Variants in ANGPT2 observed in about 807,000 individuals in gnomAD.
ANGPT2 encodes angiopoietin-2.
In ANGPT2, 28 loss-of-function variants were observed where a neutral mutation model predicts 62.9. The observed-to-expected ratio is 0.44, with a 90% CI of 0.33 to 0.61. The LOEUF is 0.61. Among genes scored for constraint, ANGPT2 ranks in the 20% least tolerant of loss-of-function variants. The probability of loss-of-function intolerance (pLI) is 0.03; values close to 1 mark genes in which losing one functional copy is unlikely to be tolerated. For synonymous variants in ANGPT2, 284 were observed against 207.8 expected (o/e 1.37, Z -3.15); for missense variants, 727 against 594.9 (o/e 1.22, Z -2.31).
chr8:6,513,918 A>G (rs1411741344), intron 6 of ANGPT2, 74 bp from the exon 7 acceptor site: 28 of 1,339,010 alleles, frequency 2.1e-5, no homozygotes, highest in Non-Finnish European at 1.6e-5. Flanking sequence ...ATAGTCCGTC[A>G]ACTTAACATA....
At chr8:6,539,678 C>A (rs1030819505) in intron 1 of ANGPT2, among the ~76,000 whole-genome samples, 1 of 152,140 alleles carries the variant, frequency 6.6e-6, no homozygotes, top group East Asian at 1.9e-4. Flanking sequence ...CCTCTGCCTC[C>A]CTGGTTCAAA....
chr8:6,552,078 A>G (rs1823746058), intron 1 of ANGPT2, among the ~76,000 whole-genome samples: 1 of 152,240 alleles, frequency 6.6e-6, no homozygotes, highest in Non-Finnish European at 1.5e-5. Context: ...ACCCAAAGAA[A>G]ATCAGAGGAA....
At position 6,500,402 on chromosome 8, in the gene ANGPT2, G is replaced by C. The variant is rs1811926863; in HGVS notation, c.*2699C>G. ...GGGTTCTAATTTTTTTTAAGATTAA[G>C]TAATAATTAAGTGGATAATTTAAAG... On this transcript the variant is annotated 3_prime_UTR_variant, in exon 9 of 9. Coordinates refer to ENST00000629816, the MANE Select transcript of ANGPT2 (RefSeq NM_001118887.2). 6.4e-6 allele frequency: 1 copy of C among 157,296 alleles called. No homozygotes were observed. The highest frequency in any genetic ancestry group is 1.4e-5 in the Non-Finnish European group (1 of 71,102). The allele number at this position is 157,296 out of a possible 1,614,324, so 9.7% of individuals were successfully genotyped here.
At chr8:6,561,266 G>A (rs1451334540) in intron 1 of ANGPT2, among the ~76,000 whole-genome samples, 1 of 152,224 alleles carries the variant, frequency 6.6e-6, no homozygotes, top group Non-Finnish European at 1.5e-5. Flanking sequence ...CATTGCTAGT[G>A]AGTTTTATGT....
intron 1 of ANGPT2, among the ~76,000 whole-genome samples, chr8:6,554,447 T>A (rs1586593831): frequency 6.6e-6 from 1 of 152,312 alleles, no homozygotes; most frequent in South Asian, 2.1e-4. Context: ...GTCAACATGA[T>A]AAAATAATCC....
intron 5 of ANGPT2, among the ~76,000 whole-genome samples, chr8:6,517,908 G>C (rs936031952): frequency 3.3e-5 from 5 of 152,164 alleles, no homozygotes; most frequent in African/African-American, 1.2e-4. Context: ...TTCAAGATGA[G>C]AAAATTGAGG....
chr8:6,549,248 G>A (rs1041640780), intron 1 of ANGPT2, among the ~76,000 whole-genome samples: 1 of 152,204 alleles, frequency 6.6e-6, no homozygotes, highest in Admixed American at 6.5e-5. Context: ...TACGTAAATT[G>A]TGTTATACAG....
intron 8 of ANGPT2, among the ~76,000 whole-genome samples, chr8:6,504,864 C>T (rs1812964791): frequency 6.6e-6 from 1 of 152,020 alleles, no homozygotes; most frequent in Non-Finnish European, 1.5e-5. Flanking sequence ...TGTGTGATTT[C>T]AGGCATTTGC....
chr8:6,520,814 C>T (rs1355990162), intron 4 of ANGPT2, among the ~76,000 whole-genome samples: 1 of 152,194 alleles, frequency 6.6e-6, no homozygotes, highest in Non-Finnish European at 1.5e-5. Flanking sequence ...TGTATTATCT[C>T]ATTTAATCTT....
At chr8:6,513,179 G>A (rs1236455497) in intron 7 of ANGPT2, among the ~76,000 whole-genome samples, 1 of 152,188 alleles carries the variant, frequency 6.6e-6, no homozygotes, top group Admixed American at 6.5e-5. Context: ...CTGTTTGTAT[G>A]AAGTTTCTTT....
intron 1 of ANGPT2, among the ~76,000 whole-genome samples, chr8:6,560,239 T>C (rs1308180149): frequency 6.6e-6 from 1 of 152,180 alleles, no homozygotes; most frequent in Non-Finnish European, 1.5e-5. Context: ...AAAAAATAGC[T>C]CAAAAGAAAA....
intron 5 of ANGPT2, among the ~76,000 whole-genome samples, chr8:6,515,031 T>A (rs954106252): frequency 6.6e-6 from 1 of 152,202 alleles, no homozygotes; most frequent in Non-Finnish European, 1.5e-5. Flanking sequence ...ATGACTCACT[T>A]GTCATCATCT....
At chr8:6,531,571 C>G (rs563550658) in intron 2 of ANGPT2, among the ~76,000 whole-genome samples, 1 of 152,160 alleles carries the variant, frequency 6.6e-6, no homozygotes, top group Non-Finnish European at 1.5e-5. Flanking sequence ...GAATTACAGG[C>G]GTGAGCTACT....
intron 1 of ANGPT2, among the ~76,000 whole-genome samples, chr8:6,536,292 G>A (rs1318092530): frequency 6.6e-6 from 1 of 152,048 alleles, no homozygotes; most frequent in Non-Finnish European, 1.5e-5. Context: ...TCGCTGTGTC[G>A]GGATCCCAGG....
At chr8:6,553,485 C>G (rs1824036148) in intron 1 of ANGPT2, among the ~76,000 whole-genome samples, 2 of 152,172 alleles carry the variant, frequency 1.3e-5, no homozygotes, top group South Asian at 4.2e-4. Context: ...CTTCACACGT[C>G]AACATTTTTT....
At chr8:6,507,177 C>A (rs1055965102) in intron 8 of ANGPT2, among the ~76,000 whole-genome samples, 1 of 152,198 alleles carries the variant, frequency 6.6e-6, no homozygotes, top group African/African-American at 2.4e-5. Context: ...GGATTACAAG[C>A]GGGGGCCACC....
In ANGPT2 at chr8:6,529,720, C is replaced by G. The variant is rs148749396; in HGVS notation, c.445-2044G>C. On this transcript the variant is annotated intron_variant, in intron 2 of 8. Transcript: ENST00000629816. The stretch of plus-strand genomic sequence containing the variant: ...TCTCAAGCGATCCACCCACCTCGGC[C>G]TCTCAAAGTGCTAGGATTATAGATC... Among the ~76,000 whole-genome samples the G allele has an allele frequency of 2.1e-3, 321 of 151,254 alleles. 2 individuals are homozygous for G. The highest frequency in any genetic ancestry group is 7.2e-3 in the African/African-American group (295 of 41,166).
At chr8:6,554,134 G>A (rs556995231) in intron 1 of ANGPT2, among the ~76,000 whole-genome samples, 1 of 149,504 alleles carries the variant, frequency 6.7e-6, no homozygotes, top group East Asian at 1.9e-4. Context: ...CTTGTGATAA[G>A]ACCCATATTA....
chr8:6,524,581 G>C (rs1352515932), intron 3 of ANGPT2, among the ~76,000 whole-genome samples: 1 of 152,210 alleles, frequency 6.6e-6, no homozygotes, highest in Admixed American at 6.5e-5. Flanking sequence ...GTTTAACAGA[G>C]ATGTATTGAA....
Sources: gnomAD v4.1 joint callset for allele counts (sites outside exome capture counted in the v4.1 genomes callset) on GRCh38, gnomAD v4.1.1 for gene constraint, MANE v1.5 for transcripts, NCBI Gene and HGNC (gene_info 2026-07-23, HGNC 2026-07-21) for gene names.